The following ZNF333 variants were observed in gnomAD, a reference collection of about 807,000 sequenced individuals.
ZNF333 encodes the protein zinc finger protein 333.
ZNF333 carries 61 observed loss-of-function variants against 76.1 expected under a neutral mutation model. The ratio of observed to expected loss-of-function variants is 0.80; its 90% CI spans 0.65 to 0.99. The LOEUF is 0.99. Among genes scored for constraint, ZNF333 ranks in the 50% least tolerant of loss-of-function variants. The pLI is 0.00. For missense variants in ZNF333, 717 were observed against 822.4 expected (o/e 0.87, Z 1.57); for synonymous variants, 284 against 305.0 (o/e 0.93, Z 0.72).
rs771168390 is a variant in ZNF333, at chr19:14,718,390, G to T, written c.1063G>T (p.Val355Leu). 5 of 1,614,144 alleles carry T rather than the reference G, an allele frequency of 3.1e-6. No individual in the cohort carries two copies. Among genetic ancestry groups the T allele is most frequent in the Non-Finnish European group, 4.2e-6 (5 of 1,180,042 alleles). Residue 355 changes from valine (V) to leucine (L), a missense_variant, in exon 12 of 12, where the codon GTG (valine) becomes TTG (leucine). Physicochemically the swap from Val to Leu is conservative, Grantham distance 32 (BLOSUM62 1). Coordinates refer to ENST00000292530, the MANE Select transcript of ZNF333 (RefSeq NM_032433.4). ...CTTCTTCCAGAGTGCCCACCTAATTGTGCCCGAGAAAATCCGTAGTGGGGA... is the reference window on the plus strand; with the variant it reads ...CTTCTTCCAGAGTGCCCACCTAATTTTGCCCGAGAAAATCCGTAGTGGGGA... ...NSFFQSAHLI[V>L]PEKIRSGDKS...
In ZNF333 at chr19:14,720,640, C is replaced by T; in HGVS notation, c.*1315C>T. 1.0e-6 allele frequency: 1 copy of T among 985,332 alleles called. No homozygotes were observed. Among genetic ancestry groups the T allele is most frequent in the South Asian group, 4.7e-5 (1 of 21,290 alleles). The allele number at this position is 985,332 out of a possible 1,614,324, so 61.0% of individuals were successfully genotyped here. A position where few individuals can be genotyped will look rare whatever the true frequency, so the allele number is the denominator to read the frequency against. On this transcript the variant is annotated 3_prime_UTR_variant, in exon 12 of 12. Coordinates refer to ENST00000292530, the MANE Select transcript of ZNF333 (RefSeq NM_032433.4). ...GTTTTTGGTGGGAGGTTTATTTCAC[C>T]TGAATATAATTCCTAACTGATGCAC...
intron 7 of ZNF333, chr19:14,707,233 CT>C (rs2042136258): frequency 8.2e-6 from 1 of 121,532 alleles, no homozygotes; most frequent in South Asian, 3.1e-4. Context: ...GGTGAGACCC[CT>C]ATTTCTAAAA....
At chr19:14,725,645 C>T (rs761388046), downstream of ZNF333, among the ~76,000 whole-genome samples, 1 of 152,208 alleles carries the variant, frequency 6.6e-6, no homozygotes, top group Non-Finnish European at 1.5e-5. Context: ...AGGCAACAGA[C>T]CTCATGCAAG....
chr19:14,724,764 C>T (rs2042623748), downstream of ZNF333, among the ~76,000 whole-genome samples: 1 of 152,130 alleles, frequency 6.6e-6, no homozygotes, highest in African/African-American at 2.4e-5. Flanking sequence ...GAAATTTTGT[C>T]TCAAAAAGAA....
At position 14,721,059 on chromosome 19, in the gene ZNF333, T is replaced by A; in HGVS notation, c.*1734T>A. 1 of 751,652 alleles carries A rather than the reference T, an allele frequency of 1.3e-6. No homozygotes were observed. The highest frequency in any genetic ancestry group is 1.6e-6 in the Non-Finnish European group (1 of 617,014). The allele number at this position is 751,652 out of a possible 1,614,324, so 46.6% of individuals were successfully genotyped here. A position where few individuals can be genotyped will look rare whatever the true frequency, so the allele number is the denominator to read the frequency against. On this transcript the variant is annotated 3_prime_UTR_variant, in exon 12 of 12. Transcript: ENST00000292530. ...TGATAGTAAATACTTATTTAGAGTTTACTATTAATAGATAGTAGCCACTGC... is the reference window on the plus strand; with the variant it reads ...TGATAGTAAATACTTATTTAGAGTTAACTATTAATAGATAGTAGCCACTGC...
At position 14,718,976 on chromosome 19, in the gene ZNF333, A is replaced by C. The variant is rs772762960; in HGVS notation, c.1649A>C (p.Lys550Thr). 8 of 1,611,718 alleles carry C rather than the reference A, an allele frequency of 5.0e-6. No individual in the cohort carries two copies. The South Asian group carries it at 7.7e-5, about 16-fold the overall frequency. Residue 550 changes from lysine (K) to threonine (T), a missense_variant, in exon 12 of 12, where the codon AAG becomes ACG. Physicochemically the swap from Lys to Thr is moderately conservative, Grantham distance 78 (BLOSUM62 -1). Coordinates refer to ENST00000292530, the MANE Select transcript of ZNF333 (RefSeq NM_032433.4). ...GQVLSRLSTL[K>T]SHMRTHTGEK... ...GTCTTGAGTCGTCTTTCAACCCTGA[A>C]GAGTCACATGCGAACTCACACTGGA...
At position 14,719,313 on chromosome 19, in the gene ZNF333, C is replaced by T. The variant is rs2042537320; in HGVS notation, c.1986C>T (p.Pro662=). Residue 662 remains proline, a synonymous_variant, in exon 12 of 12, where the codon CCC becomes CCT. Coordinates refer to ENST00000292530, the MANE Select transcript of ZNF333 (RefSeq NM_032433.4). The part of the protein sequence containing the change: ...PLSMSHPYCG[P]LAN ...CCATGTCTCATCCATACTGTGGGCC[C>T]CTTGCTAATTAACTTCCATTTTGTA... 1.3e-6 allele frequency: 2 copies of T among 1,598,150 alleles called. No homozygotes were observed. The highest frequency in any genetic ancestry group is 1.7e-6 in the Non-Finnish European group (2 of 1,172,688).
At position 14,694,998 on chromosome 19, in the gene ZNF333, G is replaced by T. The variant is rs756592265; in HGVS notation, c.4-12G>T. 3 of 1,614,048 alleles carry T rather than the reference G, an allele frequency of 1.9e-6. No homozygotes were observed. Among genetic ancestry groups the T allele is most frequent in the African/African-American group, 2.7e-5 (2 of 74,940 alleles). ...TGGTATTTGCCGAGCCAGAATGTGT[G>T]TGCTGTTTTAGGAATCCGTCACCTT... On this transcript the variant is annotated splice_polypyrimidine_tract_variant and intron_variant, in intron 2 of 11. Transcript: ENST00000292530.
intron 7 of ZNF333, 195 bp from the exon 8 acceptor site, chr19:14,715,187 G>A (rs550830150): frequency 1.1e-4 from 63 of 559,410 alleles, no homozygotes; most frequent in Admixed American, 2.1e-4. Context: ...GTCTGTGTAC[G>A]TGTGTGCATG....
At chr19:14,730,423 C>G (rs7252820) in intron 11 of ZNF333, among the ~76,000 whole-genome samples, 10,572 of 152,082 alleles carry the variant, frequency 0.07, 1,289 homozygotes, top group African/African-American at 0.24. Flanking sequence ...CACCATCAGT[C>G]TGTCCTTCCT....
intron 5 of ZNF333, chr19:14,701,975 C>T (rs902103238): frequency 3.1e-5 from 28 of 894,624 alleles, no homozygotes; most frequent in South Asian, 5.1e-5. Context: ...TACTGCCTGA[C>T]GATCATACAA....
chr19:14,718,170 G>T, intron 11 of ZNF333, 58 bp from the exon 12 acceptor site: 1 of 1,541,988 alleles, frequency 6.5e-7, no homozygotes. Context: ...TTCACATAGG[G>T]GAGAATATCT....
exon 12 of ZNF333, chr19:14,731,325 G>A (rs1016663571): frequency 2.4e-6 from 2 of 841,962 alleles, no homozygotes; most frequent in Non-Finnish European, 3.7e-6. Context: ...AGTGGCCTTG[G>A]ACTTTCAAAC....
chr19:14,715,611 C>A (rs985289833), intron 8 of ZNF333, 141 bp downstream of exon 8: 1 of 741,302 alleles, frequency 1.3e-6, no homozygotes, highest in South Asian at 1.7e-5. Context: ...TGGGTGTCAG[C>A]AAGGGAGCAT....
intron 11 of ZNF333, among the ~76,000 whole-genome samples, chr19:14,730,580 A>T (rs2524367): frequency 0.24 from 35,739 of 151,876 alleles, 4,320 homozygotes; most frequent in Non-Finnish European, 0.26. Context: ...TTTATTATTT[A>T]AAAAAAGTTA....
In ZNF333 at chr19:14,720,639, C is replaced by G; in HGVS notation, c.*1314C>G. On this transcript the variant is annotated 3_prime_UTR_variant, in exon 12 of 12. Coordinates refer to ENST00000292530, the MANE Select transcript of ZNF333 (RefSeq NM_032433.4). ...TGTTTTTGGTGGGAGGTTTATTTCA[C>G]CTGAATATAATTCCTAACTGATGCA... The G allele has an allele frequency of 1.0e-6, 1 of 985,284 alleles. No homozygotes were observed. Among genetic ancestry groups the G allele is most frequent in the South Asian group, 4.7e-5 (1 of 21,278 alleles). The allele number at this position is 985,284 out of a possible 1,614,324, so 61.0% of individuals were successfully genotyped here.
chr19:14,726,808 C>T (rs114087613), downstream of ZNF333, among the ~76,000 whole-genome samples: 2,016 of 152,252 alleles, frequency 0.013, 39 homozygotes, highest in African/African-American at 0.046. Context: ...CATATCTCTA[C>T]CAGTATTTTG....
At chr19:14,710,174 T>C (rs1599731946) in intron 7 of ZNF333, among the ~76,000 whole-genome samples, 1 of 152,328 alleles carries the variant, frequency 6.6e-6, no homozygotes, top group African/African-American at 2.4e-5. Context: ...GAAAAGAACC[T>C]TGGCCCATGT....
rs1399258016 is a variant in ZNF333 at position 14,718,587 on chromosome 19, GCC to G, written c.1261_1262del (p.Pro421IlefsTer2). 1.2e-6 allele frequency: 2 copies of G among 1,613,820 alleles called. No individual in the cohort carries two copies. Among genetic ancestry groups the G allele is most frequent in the Non-Finnish European group, 1.7e-6 (2 of 1,180,030 alleles). On this transcript the variant is annotated frameshift_variant, in exon 12 of 12. Transcript: ENST00000292530. LOFTEE classifies it high-confidence loss of function. ...ACATGAGAACCCATACCGGAGAGAAGCCATTTGAATGTAGTCAGTGTGGGAAA... is the reference window on the plus strand; with the variant it reads ...ACATGAGAACCCATACCGGAGAGAAGATTTGAATGTAGTCAGTGTGGGAAA... ...RHMRTHTGEK[P>X]FECSQCGKTF... is the part of the protein sequence containing the mutation.
Sources: allele counts gnomAD v4.1 joint callset (sites outside exome capture counted in the v4.1 genomes callset), GRCh38; gene constraint gnomAD v4.1.1; transcripts MANE v1.5; gene names NCBI Gene and HGNC (gene_info 2026-07-23, HGNC 2026-07-21).